The following NCAN variants were observed in gnomAD, a reference collection of about 807,000 sequenced individuals.
The protein encoded by NCAN is neurocan.
In NCAN, 47 loss-of-function variants were observed where a neutral mutation model predicts 121.8. The observed-to-expected ratio is 0.39, with a 90% CI of 0.31 to 0.49. NCAN has a LOEUF of 0.49. Ranked by LOEUF, NCAN falls within the 20% of genes least tolerant of loss-of-function variation. The pLI, the probability that NCAN is intolerant of heterozygous loss-of-function variation, is 0.92. For synonymous variants in NCAN, 633 were observed against 702.0 expected (o/e 0.90, Z 1.55); for missense variants, 1,517 against 1,773.4 (o/e 0.86, Z 2.60).
intron 10 of NCAN, among the ~76,000 whole-genome samples, chr19:19,237,063 AC>A: frequency 6.7e-6 from 1 of 150,204 alleles, no homozygotes; most frequent in East Asian, 2.0e-4. Context: ...ATAGGCACCT[AC>A]CACCACACGT....
intron 1 of NCAN, 114 bp from the exon 2 acceptor site, chr19:19,216,833 C>G: frequency 1.8e-6 from 1 of 555,108 alleles, no homozygotes; most frequent in Non-Finnish European, 2.9e-6. Flanking sequence ...ACACTGGTCT[C>G]TCTGAGCCCT....
In NCAN at chr19:19,217,151, G is replaced by C. The variant is rs1001126518; in HGVS notation, c.73+125G>C. On this transcript the variant is annotated intron_variant, in intron 2 of 14. Coordinates refer to ENST00000252575, the MANE Select transcript of NCAN (RefSeq NM_004386.3). The stretch of plus-strand genomic sequence containing the variant: ...TGGGCTAGAGAATAAAATGAGAATA[G>C]ATTTTAAAAGGTCTTTGAACAGTCA... 18 of 644,410 alleles carry C rather than the reference G, an allele frequency of 2.8e-5. No individual in the cohort carries two copies. The Admixed American group carries it at 6.9e-4, about 25-fold the overall frequency. The allele number at this position is 644,410 out of a possible 1,614,324, so 39.9% of individuals were successfully genotyped here.
At chr19:19,230,193 C>T (rs1461776546) in intron 8 of NCAN, among the ~76,000 whole-genome samples, 2 of 151,726 alleles carry the variant, frequency 1.3e-5, no homozygotes, top group Non-Finnish European at 2.9e-5. Flanking sequence ...TACAGGCTCC[C>T]GCCACCACGC....
chr19:19,228,771 C>G, intron 8 of NCAN, 132 bp downstream of exon 8: 2 of 1,017,302 alleles, frequency 2.0e-6, no homozygotes. Context: ...GGGCATGACG[C>G]TGGAGGTAGG....
rs1568605210 is a variant in NCAN at position 19,250,057 on chromosome 19, A to G, written c.*146A>G. On this transcript the variant is annotated 3_prime_UTR_variant, in exon 15 of 15. Transcript: ENST00000252575. ...CCCCACACACATAATCCTTTGTACA[A>G]AGCTCCTCTTTTCCCTTTTTTTACA... 1 of 896,768 alleles carries G rather than the reference A, an allele frequency of 1.1e-6. No homozygotes were observed. 55.6% of individuals were successfully genotyped at this position (896,768 alleles called of 1,614,324 possible).
At chr19:19,226,465 C>A (rs745739326) in intron 6 of NCAN, 21 bp from the exon 7 acceptor site, 2 of 1,535,820 alleles carry the variant, frequency 1.3e-6, no homozygotes, top group Admixed American at 2.1e-5. Context: ...CTAACACAAC[C>A]TCTTCTGCTT....
chr19:19,248,761 G>A lies in NCAN; in HGVS notation c.3699G>A (p.Lys1233=), dbSNP rs762630271. Residue 1233 remains lysine (K), a synonymous_variant, in exon 14 of 15, where the codon AAG becomes AAA. Coordinates refer to ENST00000252575, the MANE Select transcript of NCAN (RefSeq NM_004386.3). Reference sequence around the variant, plus strand: ...CACTCATCGGTGCCCGCAAGGCCAAGTACAATGTCCATGCCACTGTAAGGT... The same window carrying A: ...CACTCATCGGTGCCCGCAAGGCCAAATACAATGTCCATGCCACTGTAAGGT... ...NASLIGARKA[K]YNVHATVRYQ... is the part of the protein sequence containing the mutation. The A allele has an allele frequency of 1.2e-6, 2 of 1,614,072 alleles. No homozygotes were observed. Among genetic ancestry groups the A allele is most frequent in the African/African-American group, 1.3e-5 (1 of 74,932 alleles).
Position 19,226,827 on chromosome 19 carries a change from C to T in NCAN, c.1414C>T (p.Pro472Ser). 2 of 1,613,228 alleles carry T rather than the reference C, an allele frequency of 1.2e-6. No individual in the cohort carries two copies. Among genetic ancestry groups the T allele is most frequent in the Non-Finnish European group, 1.7e-6 (2 of 1,179,940 alleles). Residue 472 changes from proline to serine, a missense_variant, in exon 7 of 15, where the codon CCA becomes TCA. Transcript: ENST00000252575. ...TAASSHTEVA[P>S]TDPMPRRRGR... Reference sequence around the variant, plus strand: ...AGCAAGTTCACACACGGAGGTGGCCCCAACTGACCCTATGCCTAGGAGAAG... The same window carrying T: ...AGCAAGTTCACACACGGAGGTGGCCTCAACTGACCCTATGCCTAGGAGAAG...
chr19:19,243,411 G>A (rs1163024362), intron 12 of NCAN, among the ~76,000 whole-genome samples: 2 of 151,464 alleles, frequency 1.3e-5, no homozygotes, highest in Admixed American at 6.6e-5. Flanking sequence ...AGCTACTCAG[G>A]AGGTTGGGGC....
intron 12 of NCAN, among the ~76,000 whole-genome samples, chr19:19,243,528 A>AG (rs1389421364): frequency 6.6e-6 from 1 of 150,784 alleles, no homozygotes; most frequent in African/African-American, 2.4e-5. Flanking sequence ...AAAAAAAAAA[A>AG]AAAAAAGAAA....
At chr19:19,249,663 G>A (rs111412459) in intron 14 of NCAN, 103 bp from the exon 15 acceptor site, 128 of 1,491,654 alleles carry the variant, frequency 8.6e-5, no homozygotes, top group Non-Finnish European at 1.1e-4. Context: ...CCTCGCGTCT[G>A]GCCTCTTTCC....
chr19:19,236,635 G>T (rs1410148502), intron 10 of NCAN, among the ~76,000 whole-genome samples: 1 of 151,088 alleles, frequency 6.6e-6, no homozygotes, highest in Non-Finnish European at 1.5e-5. Context: ...TTGCCATGTT[G>T]CCCAGGCTGC....
At chr19:19,221,034 A>G (rs767613584) in intron 3 of NCAN, among the ~76,000 whole-genome samples, 95 of 152,188 alleles carry the variant, frequency 6.2e-4, no homozygotes, top group Non-Finnish European at 8.4e-4. Context: ...GGAGTTTGAG[A>G]CCAGCCTGGG....
In NCAN at chr19:19,228,655, CG is replaced by C; in HGVS notation, c.3019+20del. The C allele has an allele frequency of 6.3e-7, 1 of 1,593,054 alleles. No individual in the cohort carries two copies. Among genetic ancestry groups the C allele is most frequent in the Non-Finnish European group, 8.6e-7 (1 of 1,167,984 alleles). The stretch of plus-strand genomic sequence containing the variant: ...GCGGAGGAGGGTGAGTACAAAGTCC[CG>C]GGGCTCTGTCCAGCTCTCCATGGTC... On this transcript the variant is annotated intron_variant, in intron 8 of 14. Coordinates refer to ENST00000252575, the MANE Select transcript of NCAN (RefSeq NM_004386.3).
intron 8 of NCAN, among the ~76,000 whole-genome samples, chr19:19,230,086 C>T (rs1001463106): frequency 1.2e-4 from 19 of 152,074 alleles, no homozygotes; most frequent in Admixed American, 1.2e-3. Context: ...ACTCTGTCAT[C>T]CAGCCTGGAG....
chr19:19,216,308 C>A (rs866023037), intron 1 of NCAN, among the ~76,000 whole-genome samples: 1 of 151,622 alleles, frequency 6.6e-6, no homozygotes, highest in African/African-American at 2.4e-5. Flanking sequence ...GCCACCAAGC[C>A]CAGATAATTT....
rs753329549 is a variant in NCAN, at chr19:19,226,962, G to A, written c.1549G>A (p.Val517Met). 1.7e-5 allele frequency: 27 copies of A among 1,554,110 alleles called. No individual in the cohort carries two copies. The South Asian group carries it at 3.3e-4, about 19-fold the overall frequency. The change falls in exon 7 of 15, where the codon GTG becomes ATG. Residue 517 changes from valine to methionine, a missense_variant. Physicochemically the swap from Val to Met is conservative, Grantham distance 21. Transcript: ENST00000252575. Reference protein sequence around the residue: ...SAQPPTSEAAVNQMEPPLAMA... With the variant: ...SAQPPTSEAAMNQMEPPLAMA... ...CCAGCCCCCCACCTCAGAGGCTGCA[G>A]TGAACCAAATGGAGCCTCCGTTGGC...
intron 12 of NCAN, among the ~76,000 whole-genome samples, chr19:19,244,023 A>G (rs2060914581): frequency 6.6e-6 from 1 of 151,024 alleles, no homozygotes; most frequent in South Asian, 2.1e-4. Context: ...GTCTCAAACA[A>G]AACAAAACAA....
Position 19,219,190 on chromosome 19 carries a change from C to A in NCAN, c.349C>A (p.Pro117Thr), listed in dbSNP as rs368247784. 93 of 1,612,028 alleles carry A rather than the reference C, an allele frequency of 5.8e-5. No homozygotes were observed. Among genetic ancestry groups the A allele is most frequent in the Non-Finnish European group, 7.8e-5 (92 of 1,180,002 alleles). Residue 117 changes from proline (P) to threonine (T), a missense_variant, in exon 3 of 15, where the codon CCC becomes ACC. Pro to Thr is a conservative substitution (Grantham distance 38, BLOSUM62 -1). Coordinates refer to ENST00000252575, the MANE Select transcript of NCAN (RefSeq NM_004386.3). ...GGGACGAGTGTCACTGCCTTCCTAC[C>A]CCCGGCGCCGAGCCAACGCCACGCT... The part of the protein sequence containing the change: ...WQGRVSLPSY[P>T]RRRANATLLL...
Sources: gnomAD v4.1 joint callset for allele counts (sites outside exome capture counted in the v4.1 genomes callset) on GRCh38, gnomAD v4.1.1 for gene constraint, MANE v1.5 for transcripts, NCBI Gene and HGNC (gene_info 2026-07-23, HGNC 2026-07-21) for gene names.